Variants in MS4A4A observed in about 807,000 individuals in gnomAD.
MS4A4A encodes membrane spanning 4-domains A4A, also known as membrane-spanning 4-domains subfamily A member 4A.
MS4A4A carries 26 observed loss-of-function variants against 28.0 expected under a neutral mutation model. The ratio of observed to expected loss-of-function variants is 0.93; its 90% CI spans 0.68 to 1.29. The LOEUF is 1.29. Among genes scored for constraint, MS4A4A ranks in the 50% most tolerant of loss-of-function variants. The pLI, the probability that MS4A4A is intolerant of heterozygous loss-of-function variation, is 0.00. For synonymous variants in MS4A4A, 86 were observed against 100.8 expected (o/e 0.85, Z 0.88); for missense variants, 290 against 293.1 (o/e 0.99, Z 0.08).
At chr11:60,300,385 G>C (rs1185031069) in intron 3 of MS4A4A, among the ~76,000 whole-genome samples, 1 of 152,158 alleles carries the variant, frequency 6.6e-6, no homozygotes, top group East Asian at 1.9e-4. Context: ...GGGAGGCCGA[G>C]GCGGGCGGAT....
chr11:60,286,277 G>C (rs1024745480), intron 1 of MS4A4A, among the ~76,000 whole-genome samples: 1 of 152,100 alleles, frequency 6.6e-6, no homozygotes, highest in Non-Finnish European at 1.5e-5. Flanking sequence ...TGCAGTTAAC[G>C]CAAGCATCAC....
At chr11:60,286,554 T>A (rs1255616402) in intron 1 of MS4A4A, among the ~76,000 whole-genome samples, 8 of 152,222 alleles carry the variant, frequency 5.3e-5, no homozygotes. Flanking sequence ...CCGTTCGGGG[T>A]CCCTGACTTC....
At chr11:60,292,721 C>G (rs542800375) in intron 2 of MS4A4A, among the ~76,000 whole-genome samples, 2 of 152,288 alleles carry the variant, frequency 1.3e-5, no homozygotes, top group East Asian at 1.9e-4. Flanking sequence ...TTCCTGATAG[C>G]TGACAGGCAC....
In MS4A4A at chr11:60,280,717, G is replaced by A; in HGVS notation, c.41+1G>A. On this transcript the variant is annotated splice_donor_variant, in intron 1 of 6. Transcript: ENST00000337908. LOFTEE classifies it high-confidence loss of function. Reference sequence around the variant, plus strand: ...GCAGACATTGCAGGCCTGAAGAAAGGTAGGTCCAGGGACTTGCCTTCCTAG... The same window carrying A: ...GCAGACATTGCAGGCCTGAAGAAAGATAGGTCCAGGGACTTGCCTTCCTAG... 1 of 1,613,572 alleles carries A rather than the reference G, an allele frequency of 6.2e-7. No homozygotes were observed. The highest frequency in any genetic ancestry group is 8.5e-7 in the Non-Finnish European group (1 of 1,179,650).
intron 3 of MS4A4A, among the ~76,000 whole-genome samples, chr11:60,299,369 A>T (rs914572034): frequency 6.6e-6 from 1 of 151,444 alleles, no homozygotes; most frequent in African/African-American, 2.4e-5. Context: ...TAATGAAATG[A>T]TCCTACATTT....
chr11:60,290,643 G>A (rs2084846801), intron 1 of MS4A4A, among the ~76,000 whole-genome samples: 1 of 149,216 alleles, frequency 6.7e-6, no homozygotes, highest in Non-Finnish European at 1.5e-5. Context: ...TTGTAATTTT[G>A]TACTTTTTAT....
chr11:60,291,796 C>CAAAAAAAAAAAAAAAA (rs60913455), intron 1 of MS4A4A, among the ~76,000 whole-genome samples: 2 of 133,990 alleles, frequency 1.5e-5, no homozygotes, highest in African/African-American at 2.9e-5. Context: ...GACTCCATCT[C>CAAAAAAAAAAAAAAAA]AAAAAAAAAA....
At chr11:60,300,910 A>G (rs368745795) in intron 3 of MS4A4A, 91 bp from the exon 4 acceptor site, 12 of 884,600 alleles carry the variant, frequency 1.4e-5, no homozygotes, top group East Asian at 1.1e-4. Flanking sequence ...TCTGATTAAC[A>G]TATCTATCTA....
At chr11:60,302,523 T>C in intron 4 of MS4A4A, 36 bp from the exon 5 acceptor site, 1 of 1,605,292 alleles carries the variant, frequency 6.2e-7, no homozygotes, top group Non-Finnish European at 8.5e-7. Context: ...CTGAGGATGT[T>C]GTTGGATTGT....
intron 1 of MS4A4A, among the ~76,000 whole-genome samples, chr11:60,291,400 C>G (rs1226928313): frequency 6.6e-6 from 1 of 152,200 alleles, no homozygotes; most frequent in Non-Finnish European, 1.5e-5. Context: ...GGAAGATTTT[C>G]AGCCCTGTGA....
intron 2 of MS4A4A, among the ~76,000 whole-genome samples, chr11:60,294,899 CTTCTTCTTCTTCTT>C (rs2084891404): frequency 1.9e-5 from 1 of 53,488 alleles, no homozygotes; most frequent in Non-Finnish European, 4.9e-5. Context: ...ACTACTTCTT[CTTCTTCTTCTTCTT>C]CTTCTTCTTC....
intron 6 of MS4A4A, among the ~76,000 whole-genome samples, chr11:60,307,268 A>T (rs757114938): frequency 5.3e-5 from 8 of 152,174 alleles, no homozygotes; most frequent in Non-Finnish European, 1.0e-4. Context: ...CCTTCCTCAC[A>T]GAAGAGTGGG....
intron 2 of MS4A4A, among the ~76,000 whole-genome samples, chr11:60,293,994 T>C (rs2084879712): frequency 6.6e-6 from 1 of 152,194 alleles, no homozygotes. Context: ...GATTAGTGTA[T>C]TGTAAGTAAG....
At chr11:60,300,816 A>T (rs1427846356) in intron 3 of MS4A4A, among the ~76,000 whole-genome samples, 185 bp from the exon 4 acceptor site, 1 of 152,028 alleles carries the variant, frequency 6.6e-6, no homozygotes, top group South Asian at 2.1e-4. Flanking sequence ...TCTCCCATGG[A>T]TTTATCTGGT....
At chr11:60,282,661 A>T in intron 1 of MS4A4A, 1 of 1,285,172 alleles carries the variant, frequency 7.8e-7, no homozygotes, top group Non-Finnish European at 1.0e-6. Context: ...CAATATAGGA[A>T]TGAAATTACG....
In MS4A4A at chr11:60,300,760, C is replaced by T. The variant is rs969476365; in HGVS notation, c.331-241C>T. Among the ~76,000 whole-genome samples the T allele has an allele frequency of 7.3e-5, 11 of 151,628 alleles. 1 individual carries two copies. Among genetic ancestry groups the T allele is most frequent in the Middle Eastern group, 6.8e-3 (2 of 294 alleles). On this transcript the variant is annotated intron_variant, in intron 3 of 6. Coordinates refer to ENST00000337908, the MANE Select transcript of MS4A4A (RefSeq NM_148975.3). ...GAAACTATCTTTTAGTGCCCTCAAA[C>T]AGTTTTAATATCATTTCAGTTAGAT...
In MS4A4A at chr11:60,283,958, T is replaced by C. The variant is rs530461399; in HGVS notation, c.41+3242T>C. Among the ~76,000 whole-genome samples, 3 of 152,382 alleles carry C rather than the reference T, an allele frequency of 2.0e-5. No homozygotes were observed. In the East Asian group the frequency reaches 5.8e-4, roughly 29 times the overall value. On this transcript the variant is annotated intron_variant, in intron 1 of 6. Transcript: ENST00000337908. ...AAGGGCCTCTTGGCCCACCTCTACG[T>C]AGTCTTGTTATCTAACTTATTCCAA...
intron 6 of MS4A4A, among the ~76,000 whole-genome samples, chr11:60,307,877 G>C (rs544092748): frequency 6.6e-6 from 1 of 152,224 alleles, no homozygotes; most frequent in Admixed American, 6.5e-5. Flanking sequence ...ATCCACTTGC[G>C]AGACCAGAGC....
intron 2 of MS4A4A, among the ~76,000 whole-genome samples, chr11:60,294,310 T>C (rs1244719547): frequency 2.6e-5 from 4 of 152,232 alleles, no homozygotes; most frequent in Non-Finnish European, 2.9e-5. Context: ...AGGACGTTTA[T>C]GTTCTTATTG....
Sources: gnomAD v4.1 joint callset for allele counts (sites outside exome capture counted in the v4.1 genomes callset) on GRCh38, gnomAD v4.1.1 for gene constraint, MANE v1.5 for transcripts, NCBI Gene and HGNC (gene_info 2026-07-23, HGNC 2026-07-21) for gene names.